The following AGMO variants were observed in gnomAD, a reference collection of about 807,000 sequenced individuals.
AGMO encodes the protein alkylglycerol monooxygenase.
In AGMO, 75 loss-of-function variants were observed where a neutral mutation model predicts 60.2. That is an observed-to-expected ratio of 1.25 (90% confidence interval 1.03 to 1.51). The LOEUF (loss-of-function observed/expected upper bound fraction) is 1.51. Among genes scored for constraint, AGMO ranks in the 40% most tolerant of loss-of-function variants. AGMO has a pLI of 0.00. For synonymous variants in AGMO, 261 were observed against 177.1 expected (o/e 1.47, Z -3.76); for missense variants, 763 against 525.5 (o/e 1.45, Z -4.42).
At chr7:15,396,538 C>G (rs1258015536) in intron 5 of AGMO, 1 of 152,216 alleles carries the variant, frequency 6.6e-6, no homozygotes, top group Non-Finnish European at 1.5e-5. Context: ...AGCAAAAGAA[C>G]AAAGCTACCA....
intron 4 of AGMO, among the ~76,000 whole-genome samples, chr7:15,426,041 A>G (rs1357208273): frequency 6.6e-6 from 1 of 152,212 alleles, no homozygotes; most frequent in Non-Finnish European, 1.5e-5. Flanking sequence ...AATATGTTCA[A>G]ATATATTTTA....
At chr7:15,119,186 G>T in the AGMO span, among the ~76,000 whole-genome samples, 1 of 151,692 alleles carries the variant, frequency 6.6e-6, no homozygotes, top group Non-Finnish European at 1.5e-5. Context: ...CCCAATGCTG[G>T]TCGTGGGCCC....
chr7:15,227,800 T>C (rs1782134163), intron 12 of AGMO, among the ~76,000 whole-genome samples: 1 of 152,132 alleles, frequency 6.6e-6, no homozygotes, highest in African/African-American at 2.4e-5. Flanking sequence ...ATCCACCCTC[T>C]AAACCTTTTC....
At chr7:15,121,184 C>T in the AGMO span, among the ~76,000 whole-genome samples, 1 of 152,034 alleles carries the variant, frequency 6.6e-6, no homozygotes, top group African/African-American at 2.4e-5. Context: ...GTATTCCATG[C>T]TGTATATGTG....
chr7:15,368,725 T>C (rs940480358), intron 10 of AGMO, among the ~76,000 whole-genome samples: 1 of 150,518 alleles, frequency 6.6e-6, no homozygotes, highest in African/African-American at 2.5e-5. Flanking sequence ...CTGAGAAGCA[T>C]AAATAGAAGT....
At chr7:15,538,119 G>A (rs1314503619) in intron 3 of AGMO, among the ~76,000 whole-genome samples, 1 of 152,018 alleles carries the variant, frequency 6.6e-6, no homozygotes, top group African/African-American at 2.4e-5. Flanking sequence ...CCCACTTCAA[G>A]GACTGAGGAA....
the AGMO span, among the ~76,000 whole-genome samples, chr7:15,174,787 T>C: frequency 6.6e-6 from 1 of 152,004 alleles, no homozygotes; most frequent in Non-Finnish European, 1.5e-5. Context: ...AAAAATATTT[T>C]TTCTATGAAA....
At chr7:15,366,740 T>C (rs773815736) in intron 10 of AGMO, among the ~76,000 whole-genome samples, 2 of 152,092 alleles carry the variant, frequency 1.3e-5, no homozygotes, top group African/African-American at 4.8e-5. Context: ...TATATACATG[T>C]CAAAAGCTAT....
chr7:15,482,012 T>G (rs1239205225), intron 3 of AGMO, among the ~76,000 whole-genome samples: 1 of 151,946 alleles, frequency 6.6e-6, no homozygotes, highest in African/African-American at 2.4e-5. Context: ...AATTGTGGCA[T>G]GCAGATAAAG....
chr7:15,175,934 T>C, the AGMO span, among the ~76,000 whole-genome samples: 3 of 151,948 alleles, frequency 2.0e-5, no homozygotes, highest in Non-Finnish European at 4.4e-5. Context: ...AACTTTAATA[T>C]GTTATATACA....
chr7:15,426,911 T>A (rs2128496963), intron 4 of AGMO, among the ~76,000 whole-genome samples: 1 of 152,074 alleles, frequency 6.6e-6, no homozygotes, highest in Non-Finnish European at 1.5e-5. Flanking sequence ...AAATGGGGTG[T>A]GTGGAAGATG....
intron 3 of AGMO, among the ~76,000 whole-genome samples, chr7:15,506,125 AT>A (rs1783506806): frequency 6.6e-6 from 1 of 152,166 alleles, no homozygotes; most frequent in African/African-American, 2.4e-5. Context: ...AAATTATTCA[AT>A]TTACTTGGAA....
the AGMO span, among the ~76,000 whole-genome samples, chr7:15,173,078 G>C: frequency 6.6e-6 from 1 of 151,862 alleles, no homozygotes; most frequent in African/African-American, 2.4e-5. Flanking sequence ...TTATTGAAAA[G>C]TAAATATGTT....
chr7:15,262,200 T>G (rs1783292715), intron 12 of AGMO, among the ~76,000 whole-genome samples: 1 of 152,020 alleles, frequency 6.6e-6, no homozygotes, highest in Non-Finnish European at 1.5e-5. Flanking sequence ...ACTGTCACTG[T>G]TTGCTGATGT....
chr7:15,516,988 T>C (rs1447839362), intron 3 of AGMO, among the ~76,000 whole-genome samples: 2 of 152,182 alleles, frequency 1.3e-5, no homozygotes, highest in Middle Eastern at 6.8e-3. Context: ...CTTTTTTTTT[T>C]GACAAACTAA....
At chr7:15,526,661 T>C (rs1784136069) in intron 3 of AGMO, among the ~76,000 whole-genome samples, 1 of 152,196 alleles carries the variant, frequency 6.6e-6, no homozygotes, top group Admixed American at 6.5e-5. Flanking sequence ...TTAAATATTT[T>C]ACAGAGCTTG....
chr7:15,354,469 TATACACAC>T (rs1782427605), intron 12 of AGMO, among the ~76,000 whole-genome samples: 4 of 26,986 alleles, frequency 1.5e-4, no homozygotes, highest in African/African-American at 4.3e-4. Context: ...CACGTGTGTG[TATACACAC>T]GTGTGTATAT....
At chr7:15,354,045 A>T (rs991154204) in intron 12 of AGMO, among the ~76,000 whole-genome samples, 1 of 152,046 alleles carries the variant, frequency 6.6e-6, no homozygotes, top group African/African-American at 2.4e-5. Flanking sequence ...AAGCAATACT[A>T]TGTTCTAATA....
intron 2 of AGMO, among the ~76,000 whole-genome samples, chr7:15,548,795 A>C (rs1270749978): frequency 6.6e-6 from 1 of 152,198 alleles, no homozygotes; most frequent in Non-Finnish European, 1.5e-5. Flanking sequence ...GCCAACGTTC[A>C]GTTTCAGGAA....
Sources: gnomAD v4.1 joint callset for allele counts (sites outside exome capture counted in the v4.1 genomes callset) on GRCh38, gnomAD v4.1.1 for gene constraint, MANE v1.5 for transcripts, NCBI Gene and HGNC (gene_info 2026-07-23, HGNC 2026-07-21) for gene names.